IARS1: variants seen among roughly 807,000 people sequenced by gnomAD.
IARS1 encodes isoleucyl-tRNA synthetase 1, also known as isoleucine--tRNA ligase, cytoplasmic.
Under a neutral mutation model 168.2 loss-of-function variants are expected in IARS1, and 124 were observed. The ratio of observed to expected loss-of-function variants is 0.74; its 90% CI spans 0.64 to 0.86. IARS1 has a LOEUF of 0.86. IARS1 is among the 40% of genes least tolerant of loss of function. The probability of loss-of-function intolerance (pLI) is 0.00; values close to 1 mark genes in which losing one functional copy is unlikely to be tolerated. For missense variants in IARS1, 1,452 were observed against 1,515.8 expected (o/e 0.96, Z 0.70); for synonymous variants, 532 against 529.4 (o/e 1.00, Z -0.07).
intron 30 of IARS1, among the ~76,000 whole-genome samples, chr9:92,235,578 T>C (rs181945617): frequency 5.4e-5 from 8 of 146,960 alleles, no homozygotes; most frequent in South Asian, 4.3e-4. Context: ...AGCACAGTGG[T>C]GCGATCTTGG....
chr9:92,271,374 C>A (rs1833004003), intron 11 of IARS1, among the ~76,000 whole-genome samples, 159 bp downstream of exon 11: 1 of 152,156 alleles, frequency 6.6e-6, no homozygotes, highest in Admixed American at 6.6e-5. Context: ...AGATATGAGA[C>A]CCTCTGAACG....
intron 14 of IARS1, 42 bp downstream of exon 14, chr9:92,268,132 C>G: frequency 6.6e-7 from 1 of 1,524,952 alleles, no homozygotes; most frequent in Non-Finnish European, 8.8e-7. Context: ...GAACAAAATG[C>G]TTTAGCAAAA....
At chr9:92,262,907 A>G in intron 17 of IARS1, 62 bp downstream of exon 17, 1 of 1,205,696 alleles carries the variant, frequency 8.3e-7, no homozygotes, top group Non-Finnish European at 1.2e-6. Flanking sequence ...GCTCTCACGC[A>G]CTCCTTCTTA....
chr9:92,290,703 T>C (rs1431031823), intron 1 of IARS1, among the ~76,000 whole-genome samples: 1 of 152,142 alleles, frequency 6.6e-6, no homozygotes, highest in Non-Finnish European at 1.5e-5. Flanking sequence ...TGGCTATTAT[T>C]TAATATTCAG....
chr9:92,218,008 T>G (rs1452102996), intron 33 of IARS1, among the ~76,000 whole-genome samples: 1 of 151,892 alleles, frequency 6.6e-6, no homozygotes, highest in African/African-American at 2.4e-5. Flanking sequence ...TGATGAACAT[T>G]GATGCAAAAA....
chr9:92,243,400 G>T, intron 27 of IARS1, 89 bp from the exon 28 acceptor site: 2 of 823,174 alleles, frequency 2.4e-6, no homozygotes, highest in Non-Finnish European at 4.1e-6. Context: ...AATCTGGAGA[G>T]TCTATAATGC....
chr9:92,250,573 G>A (rs1283619332), intron 23 of IARS1, 140 bp downstream of exon 23: 6 of 940,106 alleles, frequency 6.4e-6, no homozygotes, highest in Non-Finnish European at 9.4e-6. Flanking sequence ...CCATCCTGCA[G>A]CCTGAGGAGT....
intron 1 of IARS1, among the ~76,000 whole-genome samples, chr9:92,290,333 T>C (rs1358950537): frequency 2.0e-5 from 3 of 152,224 alleles, no homozygotes; most frequent in Admixed American, 2.0e-4. Context: ...ACATGCTTAT[T>C]GGCCATTTGC....
intron 33 of IARS1, among the ~76,000 whole-genome samples, chr9:92,214,832 G>A (rs910680042): frequency 6.6e-6 from 1 of 152,242 alleles, no homozygotes; most frequent in Non-Finnish European, 1.5e-5. Context: ...CAAGGCGGCA[G>A]CAAGGCTGGG....
intron 26 of IARS1, among the ~76,000 whole-genome samples, chr9:92,245,977 C>G (rs914022216): frequency 5.3e-5 from 8 of 151,930 alleles, no homozygotes; most frequent in Admixed American, 2.6e-4. Context: ...GGGGTTTCAC[C>G]GTGTTAGCCA....
intron 30 of IARS1, 74 bp from the exon 31 acceptor site, chr9:92,229,200 G>C (rs1826240067): frequency 1.3e-6 from 2 of 1,493,238 alleles, no homozygotes; most frequent in African/African-American, 2.8e-5. Context: ...TGGAGGAAAA[G>C]GGATACAAAG....
rs11438082 is a variant in IARS1 at position 92,289,206 on chromosome 9, C to CAAA, written c.119+92_119+94dup. On this transcript the variant is annotated intron_variant, in intron 2 of 33. Transcript: ENST00000443024. Reference sequence around the variant, plus strand: ...TGGATGACAGTGCGAGACTCCATCTCAAAAAAAAAAAAAAAAAAAAAGTAT... The same window carrying CAAA: ...TGGATGACAGTGCGAGACTCCATCTCAAAAAAAAAAAAAAAAAAAAAAAAGTAT... The CAAA allele has an allele frequency of 6.1e-3, 1,983 of 325,896 alleles. 2 individuals carry two copies. The highest frequency in any genetic ancestry group is 9.4e-3 in the South Asian group (326 of 34,856). The allele number at this position is 325,896 out of a possible 1,614,324, so 20.2% of individuals were successfully genotyped here. A position where few individuals can be genotyped will look rare whatever the true frequency, so the allele number is the denominator to read the frequency against.
intron 22 of IARS1, 112 bp downstream of exon 22, chr9:92,251,696 C>T (rs1483797863): frequency 1.4e-6 from 1 of 720,832 alleles, no homozygotes; most frequent in Non-Finnish European, 2.4e-6. Flanking sequence ...ACTTCTATAT[C>T]TATTTTTGGC....
chr9:92,219,063 C>T (rs1464722586), intron 33 of IARS1, among the ~76,000 whole-genome samples: 2 of 152,016 alleles, frequency 1.3e-5, no homozygotes, highest in African/African-American at 2.4e-5. Context: ...GGTACTGGTA[C>T]CAAAATAGAG....
chr9:92,264,343 AAAAAAAAAAGT>A (rs2133822137), intron 16 of IARS1, among the ~76,000 whole-genome samples: 1 of 152,182 alleles, frequency 6.6e-6, no homozygotes, highest in Admixed American at 6.5e-5. Context: ...TCTCAAAAAA[AAAAAAAAAAGT>A]AAATAAAGCC....
chr9:92,229,263 G>A (rs1339244323), intron 30 of IARS1, 137 bp from the exon 31 acceptor site: 8 of 670,934 alleles, frequency 1.2e-5, no homozygotes, highest in Non-Finnish European at 2.0e-5. Flanking sequence ...CTATATATAT[G>A]TGTATATATA....
At chr9:92,235,812 A>G (rs562019589) in intron 30 of IARS1, among the ~76,000 whole-genome samples, 9 of 151,820 alleles carry the variant, frequency 5.9e-5, no homozygotes, top group African/African-American at 2.2e-4. Context: ...GGCGTGACCC[A>G]CCTCGCCTGG....
At chr9:92,260,298 G>T in intron 17 of IARS1, 64 bp from the exon 18 acceptor site, 1 of 1,059,776 alleles carries the variant, frequency 9.4e-7, no homozygotes, top group South Asian at 1.3e-5. Context: ...TTGTTTTAAG[G>T]ATACAAATCA....
At chr9:92,261,527 A>G (rs1178008551) in intron 17 of IARS1, among the ~76,000 whole-genome samples, 1 of 152,174 alleles carries the variant, frequency 6.6e-6, no homozygotes, top group African/African-American at 2.4e-5. Flanking sequence ...TGGATACAGG[A>G]TCCTACACAC....
Sources: allele counts gnomAD v4.1 joint callset (sites outside exome capture counted in the v4.1 genomes callset), GRCh38; gene constraint gnomAD v4.1.1; transcripts MANE v1.5; gene names NCBI Gene and HGNC (gene_info 2026-07-23, HGNC 2026-07-21).